Variants in AGAP1 observed in about 807,000 individuals in gnomAD.
AGAP1 encodes ArfGAP with GTPase domain, ankyrin repeat and PH domain 1, also known as arf-GAP with GTPase, ANK repeat and PH domain-containing protein 1.
Under a neutral mutation model 105.3 loss-of-function variants are expected in AGAP1, and 29 were observed. That is an observed-to-expected ratio of 0.28 (90% CI 0.21 to 0.38). The LOEUF is 0.38. Ranked by LOEUF, AGAP1 falls within the 10% of genes least tolerant of loss-of-function variation. AGAP1 has a pLI of 1.00. For missense variants in AGAP1, 998 were observed against 1,165.1 expected, an observed-to-expected ratio of 0.86 and a Z score of 2.09; for synonymous variants, 509 against 485.9, an observed-to-expected ratio of 1.05 and a Z score of -0.63.
In AGAP1 at chr2:235,494,101, G is replaced by A. The variant is rs1289509756; in HGVS notation, c.-586G>A. On this transcript the variant is annotated 5_prime_UTR_variant, in exon 1 of 18. Transcript: ENST00000304032. ...GCAGGCGGCGGGCGGCGCTCGGAGC[G>A]GGCTCCGCGGCTTGCAAGGCGCCTG... 1 of 145,816 alleles carries A rather than the reference G, an allele frequency of 6.9e-6. No homozygotes were observed. Among genetic ancestry groups the A allele is most frequent in the Non-Finnish European group, 1.5e-5 (1 of 65,428 alleles). 9.0% of individuals were successfully genotyped at this position (145,816 alleles called of 1,614,324 possible).
rs1436044585 is a variant in AGAP1 at position 236,053,801 on chromosome 2, G to GA, written c.2114+4523dup. Among the ~76,000 whole-genome samples the GA allele has an allele frequency of 6.6e-6, 1 of 152,252 alleles. No homozygotes were observed. The highest frequency in any genetic ancestry group is 1.5e-5 in the Non-Finnish European group (1 of 68,042). ...TGGAGAATAGTGTTTTCAATTCCGT[G>GA]AAAGAGCTCTTGAGAGGCGCTTTAA... On this transcript the variant is annotated intron_variant, in intron 16 of 17. Coordinates refer to ENST00000304032, the MANE Select transcript of AGAP1 (RefSeq NM_001037131.3). The surrounding 1 kb of genome is among the most constrained non-coding windows in gnomAD (Gnocchi z 4.6).
At chr2:235,895,275 C>CA (rs1454392331) in intron 10 of AGAP1, among the ~76,000 whole-genome samples, 1 of 152,132 alleles carries the variant, frequency 6.6e-6, no homozygotes, top group Admixed American at 6.5e-5. Context: ...TATGTATTTC[C>CA]ATGATGGAGA....
intron 1 of AGAP1, among the ~76,000 whole-genome samples, chr2:235,540,183 C>T (rs1943389664): frequency 7.3e-6 from 1 of 136,220 alleles, no homozygotes; most frequent in Non-Finnish European, 1.5e-5. Flanking sequence ...CAGAGTCTTA[C>T]TCTGTTGCCC....
At chr2:235,939,183 T>C (rs1222759739) in intron 12 of AGAP1, among the ~76,000 whole-genome samples, 1 of 152,192 alleles carries the variant, frequency 6.6e-6, no homozygotes, top group Non-Finnish European at 1.5e-5. Flanking sequence ...TCCCAGCGAC[T>C]GTTTCCAGCC....
At position 236,076,540 on chromosome 2, in the gene AGAP1, C is replaced by T. The variant is rs1291633687; in HGVS notation, c.2114+27259C>T. On this transcript the variant is annotated intron_variant, in intron 16 of 17. Transcript: ENST00000304032. This position sits in a 1 kb window ranked among gnomAD's most constrained non-coding sequence, Gnocchi z 4.4. Reference sequence around the variant, plus strand: ...GACCTTCTCAGTGTGTGACCCAGGACACCGTGGAATCTGGGAAAGCCATGA... The same window carrying T: ...GACCTTCTCAGTGTGTGACCCAGGATACCGTGGAATCTGGGAAAGCCATGA... 6.6e-6 allele frequency among the ~76,000 whole-genome samples: 1 copy of T among 152,108 alleles called. No individual in the cohort carries two copies. Among genetic ancestry groups the T allele is most frequent in the Non-Finnish European group, 1.5e-5 (1 of 68,024 alleles).
intron 1 of AGAP1, among the ~76,000 whole-genome samples, chr2:235,653,332 CG>C (rs1947663906): frequency 6.6e-6 from 1 of 151,638 alleles, no homozygotes; most frequent in African/African-American, 2.4e-5. Context: ...GGTGTGGTGG[CG>C]GGCACCTGTG....
intron 9 of AGAP1, among the ~76,000 whole-genome samples, chr2:235,857,797 G>A (rs1407665363): frequency 3.9e-5 from 6 of 152,174 alleles, no homozygotes; most frequent in Admixed American, 6.5e-5. Context: ...TAGTACAGTC[G>A]TCATTTGGGA....
At chr2:236,033,859 A>C (rs2057299482) in intron 13 of AGAP1, among the ~76,000 whole-genome samples, 2 of 152,268 alleles carry the variant, frequency 1.3e-5, no homozygotes, top group Admixed American at 1.3e-4. Flanking sequence ...GTTGTGCAGA[A>C]ATTTAACCGG....
intron 9 of AGAP1, among the ~76,000 whole-genome samples, chr2:235,832,939 A>G (rs1000181145): frequency 4.6e-5 from 7 of 152,202 alleles, no homozygotes. Context: ...GGCAGCCCCA[A>G]AGCAGCTAGT....
rs899823628 is a variant in AGAP1 at position 236,002,982 on chromosome 2, G to A, written c.1646-33579G>A. Among the ~76,000 whole-genome samples, 8 of 152,044 alleles carry A rather than the reference G, an allele frequency of 5.3e-5. No homozygotes were observed. Among genetic ancestry groups the A allele is most frequent in the Non-Finnish European group, 1.2e-4 (8 of 68,006 alleles). On this transcript the variant is annotated intron_variant, in intron 13 of 17. Coordinates refer to ENST00000304032, the MANE Select transcript of AGAP1 (RefSeq NM_001037131.3). This position sits in a 1 kb window ranked among gnomAD's most constrained non-coding sequence, Gnocchi z 4.3. ...CAGCTCTTCTTTTGTTTTGCTCACC[G>A]AGAAAAAGAAGACTCGGGAACCACA... is the stretch of plus-strand genomic sequence containing the variant.
chr2:235,687,572 T>C (rs1052536564), intron 1 of AGAP1, among the ~76,000 whole-genome samples: 1 of 152,246 alleles, frequency 6.6e-6, no homozygotes, highest in African/African-American at 2.4e-5. Context: ...ATCAGTTTAA[T>C]TTGATAAACA....
Position 235,934,440 on chromosome 2 carries a change from C to T in AGAP1, c.1483+3517C>T, listed in dbSNP as rs776111613. Among the ~76,000 whole-genome samples the T allele has an allele frequency of 1.3e-5, 2 of 152,164 alleles. No individual in the cohort carries two copies. Among genetic ancestry groups the T allele is most frequent in the Non-Finnish European group, 2.9e-5 (2 of 68,034 alleles). ...GTCCCTCTGGTTCGCGTCATTCCCC[C>T]CTTTAGTGTGCTGCTTCGTCAAGTG... On this transcript the variant is annotated intron_variant, in intron 12 of 17. Transcript: ENST00000304032. The surrounding 1 kb of genome is among the most constrained non-coding windows in gnomAD (Gnocchi z 4.9).
chr2:235,817,226 G>A (rs569116558), intron 9 of AGAP1, among the ~76,000 whole-genome samples: 2 of 152,120 alleles, frequency 1.3e-5, no homozygotes, highest in East Asian at 3.9e-4. Flanking sequence ...GGAAGGCCCA[G>A]ACTGTGCACT....
chr2:235,524,717 A>G (rs906415992), intron 1 of AGAP1, among the ~76,000 whole-genome samples: 4 of 152,214 alleles, frequency 2.6e-5, no homozygotes, highest in African/African-American at 9.6e-5. Context: ...ATGGCAGGTA[A>G]CACATCACCC....
intron 1 of AGAP1, among the ~76,000 whole-genome samples, chr2:235,617,658 C>T (rs567227579): frequency 1.2e-4 from 19 of 152,136 alleles, no homozygotes; most frequent in Non-Finnish European, 2.2e-4. Context: ...GCCGAGATCC[C>T]GCCACTGCAC....
rs1212576883 is a variant in AGAP1 at position 235,620,236 on chromosome 2, A to G, written c.164-88943A>G. 6.6e-6 allele frequency among the ~76,000 whole-genome samples: 1 copy of G among 152,040 alleles called. No individual in the cohort carries two copies. The highest frequency in any genetic ancestry group is 1.9e-4 in the East Asian group (1 of 5,164). On this transcript the variant is annotated intron_variant, in intron 1 of 17. Transcript: ENST00000304032. The surrounding 1 kb of genome is among the most constrained non-coding windows in gnomAD (Gnocchi z 4.5). ...CCAGGATGCAGTGGCTTCCTGAGCC[A>G]CCTCAGCCATTAGCACCCTGGTCCC...
Position 235,569,917 on chromosome 2 carries a change from A to G in AGAP1, c.163+75068A>G, listed in dbSNP as rs1445112443. On this transcript the variant is annotated intron_variant, in intron 1 of 17. Coordinates refer to ENST00000304032, the MANE Select transcript of AGAP1 (RefSeq NM_001037131.3). The surrounding 1 kb of genome is among the most constrained non-coding windows in gnomAD (Gnocchi z 5.9). ...AACAGCAAAAATTTAGAATGTTTATAGAATTGAACACGAAAACCAGAGTTG... is the reference window on the plus strand; with the variant it reads ...AACAGCAAAAATTTAGAATGTTTATGGAATTGAACACGAAAACCAGAGTTG... 6.6e-6 allele frequency among the ~76,000 whole-genome samples: 1 copy of G among 152,222 alleles called. No individual in the cohort carries two copies. The highest frequency in any genetic ancestry group is 1.5e-5 in the Non-Finnish European group (1 of 68,044).
intron 1 of AGAP1, among the ~76,000 whole-genome samples, chr2:235,544,762 C>G (rs891748612): frequency 6.6e-6 from 1 of 152,112 alleles, no homozygotes; most frequent in Non-Finnish European, 1.5e-5. Flanking sequence ...CTGTCAAACT[C>G]GAATTTCCAG....
chr2:236,004,741 C>T lies in AGAP1; in HGVS notation c.1646-31820C>T, dbSNP rs374801723. On this transcript the variant is annotated intron_variant, in intron 13 of 17. Transcript: ENST00000304032. ...ACAACTGAATGCCAGTTGGGGCAGC[C>T]TTTCGAGTTGTTAAGCAGTTTAGTA... Among the ~76,000 whole-genome samples the T allele has an allele frequency of 3.7e-3, 558 of 152,294 alleles. 28 individuals are homozygous for T. In the South Asian group the frequency reaches 0.1, roughly 28 times the overall value.
Sources: allele counts gnomAD v4.1 joint callset (sites outside exome capture counted in the v4.1 genomes callset), GRCh38; gene constraint gnomAD v4.1.1; non-coding constraint Gnocchi (gnomAD v3.1); transcripts MANE v1.5; gene names NCBI Gene and HGNC (gene_info 2026-07-23, HGNC 2026-07-21).